Variants in ZC3HAV1 observed in about 807,000 individuals in gnomAD.
The protein encoded by ZC3HAV1 is zinc finger CCCH-type containing, antiviral 1.
Under a neutral mutation model 86.6 loss-of-function variants are expected in ZC3HAV1, and 41 were observed. That is an observed-to-expected ratio of 0.47 (90% CI 0.37 to 0.61). ZC3HAV1 has a LOEUF of 0.61. Among genes scored for constraint, ZC3HAV1 ranks in the 20% least tolerant of loss-of-function variants. The probability of loss-of-function intolerance (pLI) is 0.00; values close to 1 mark genes in which losing one functional copy is unlikely to be tolerated. For missense variants in ZC3HAV1, 964 were observed against 1,141.1 expected (o/e 0.84, Z 2.24); for synonymous variants, 421 against 432.1 (o/e 0.97, Z 0.32).
chr7:139,048,609 T>C (rs1816030106), intron 12 of ZC3HAV1, among the ~76,000 whole-genome samples: 1 of 152,054 alleles, frequency 6.6e-6, no homozygotes, highest in African/African-American at 2.4e-5. Flanking sequence ...TATCAAAAAA[T>C]ACTAATAATA....
At chr7:139,064,768 C>T in intron 8 of ZC3HAV1, 111 bp downstream of exon 8, 1 of 1,554,580 alleles carries the variant, frequency 6.4e-7, no homozygotes, top group Non-Finnish European at 8.7e-7. Context: ...CTTGCTAAAT[C>T]TTGACCTTGA....
intron 9 of ZC3HAV1, among the ~76,000 whole-genome samples, chr7:139,059,332 AG>A (rs1816380321): frequency 1.3e-5 from 2 of 152,204 alleles, no homozygotes; most frequent in Admixed American, 6.5e-5. Context: ...AACTACAGGA[AG>A]GGGCCAAGTG....
At chr7:139,100,594 A>G (rs1817723705) in intron 1 of ZC3HAV1, among the ~76,000 whole-genome samples, 1 of 152,200 alleles carries the variant, frequency 6.6e-6, no homozygotes, top group Non-Finnish European at 1.5e-5. Context: ...ACAATTTCAC[A>G]TTCCTTGTAT....
chr7:139,080,143 C>G lies in ZC3HAV1; in HGVS notation c.798G>C (p.Ala266=). 1 of 1,614,124 alleles carries G rather than the reference C, an allele frequency of 6.2e-7. No homozygotes were observed. The highest frequency in any genetic ancestry group is 8.5e-7 in the Non-Finnish European group (1 of 1,180,024). The change falls in exon 4 of 13, where the codon GCG becomes GCC. Residue 266 remains alanine (A), a synonymous_variant. Transcript: ENST00000242351. Reference sequence around the variant, plus strand: ...TAGGTGTGCAGGACCTCTCAGCAGACGCTGAAGCAGACGCAAGAAATTCTT... The same window carrying G: ...TAGGTGTGCAGGACCTCTCAGCAGAGGCTGAAGCAGACGCAAGAAATTCTT... ...GSQEFLASAS[A]SAERSCTPSP... is the part of the protein sequence containing the mutation.
chr7:139,063,393 C>T (rs780846154), intron 8 of ZC3HAV1, among the ~76,000 whole-genome samples: 11 of 151,854 alleles, frequency 7.2e-5, no homozygotes, highest in Non-Finnish European at 1.5e-4. Flanking sequence ...TTTAACTTTC[C>T]TATTTTAAAT....
intron 2 of ZC3HAV1, among the ~76,000 whole-genome samples, chr7:139,087,462 AGAGG>A (rs1452705184): frequency 6.6e-6 from 1 of 151,914 alleles, no homozygotes; most frequent in African/African-American, 2.4e-5. Context: ...AGAGAGAGAG[AGAGG>A]GAGACAGAGA....
chr7:139,102,750 CA>C, intron 1 of ZC3HAV1, among the ~76,000 whole-genome samples: 1 of 150,778 alleles, frequency 6.6e-6, no homozygotes, highest in East Asian at 2.0e-4. Context: ...CACACACACA[CA>C]CACACACACA....
chr7:139,105,954 T>C lies in ZC3HAV1; in HGVS notation c.308+3070A>G, dbSNP rs191081819. On this transcript the variant is annotated intron_variant, in intron 1 of 12. Coordinates refer to ENST00000242351, the MANE Select transcript of ZC3HAV1 (RefSeq NM_020119.4). ...CCCAGAGGTCCTTATTACAACACTT[T>C]ATACATTAATAGATTAAAAGTTTGT... 4.5e-3 allele frequency among the ~76,000 whole-genome samples: 686 copies of C among 152,280 alleles called. 8 individuals carry two copies. Among genetic ancestry groups the C allele is most frequent in the Non-Finnish European group, 6.2e-3 (421 of 68,030 alleles).
intron 9 of ZC3HAV1, chr7:139,060,354 A>G: frequency 5.1e-6 from 5 of 985,694 alleles, no homozygotes; most frequent in Non-Finnish European, 6.0e-6. Flanking sequence ...TGAACAATGT[A>G]GAGTTTACTG....
At chr7:139,051,690 C>T (rs760496220) in intron 12 of ZC3HAV1, among the ~76,000 whole-genome samples, 2 of 152,222 alleles carry the variant, frequency 1.3e-5, no homozygotes, top group Non-Finnish European at 2.9e-5. Flanking sequence ...TCCCAAAGTA[C>T]AGGAATTACA....
chr7:139,097,428 A>ATATATATTTTTTTTTTT, intron 1 of ZC3HAV1, among the ~76,000 whole-genome samples: 1 of 48,160 alleles, frequency 2.1e-5, no homozygotes, highest in African/African-American at 1.1e-4. Flanking sequence ...ATATATATAT[A>ATATATATTTTTTTTTTT]TTTTTTTTTT....
Position 139,108,312 on chromosome 7 carries a change from C to T in ZC3HAV1, c.308+712G>A, listed in dbSNP as rs1344027061. Among the ~76,000 whole-genome samples the T allele has an allele frequency of 6.6e-6, 1 of 151,878 alleles. No individual in the cohort carries two copies. ...AAACGGAAACAACAGAAGCAGTGGC[C>T]CGAGACGTGAGCCACACTGCTTCAA... On this transcript the variant is annotated intron_variant, in intron 1 of 12. Coordinates refer to ENST00000242351, the MANE Select transcript of ZC3HAV1 (RefSeq NM_020119.4). The surrounding 1 kb of genome is among the most constrained non-coding windows in gnomAD (Gnocchi z 4.2).
intron 1 of ZC3HAV1, among the ~76,000 whole-genome samples, chr7:139,093,883 G>A (rs1817504678): frequency 6.6e-6 from 1 of 152,212 alleles, no homozygotes; most frequent in African/African-American, 2.4e-5. Flanking sequence ...GGGGTCATGT[G>A]TAGGTTTCAG....
Position 139,076,174 on chromosome 7 carries a change from G to T in ZC3HAV1, c.1697+112C>A. ...TTATCTCAAGAGGTATTTCACACTC[G>T]AATGGGATTCTGATGGAAAAGTGTT... On this transcript the variant is annotated intron_variant, in intron 6 of 12. Transcript: ENST00000242351. 1.0e-5 allele frequency: 15 copies of T among 1,501,246 alleles called. No homozygotes were observed. The South Asian group carries it at 1.8e-4, about 18-fold the overall frequency. The allele number at this position is 1,501,246 out of a possible 1,614,324, so 93.0% of individuals were successfully genotyped here.
At position 139,080,208 on chromosome 7, in the gene ZC3HAV1, C is replaced by T; in HGVS notation, c.733G>A (p.Ala245Thr). The change falls in exon 4 of 13, where the codon GCT (alanine) becomes ACT (threonine). Residue 245 changes from alanine (A) to threonine (T), a missense_variant. Ala to Thr is a moderately conservative substitution (Grantham distance 58). Transcript: ENST00000242351. ...SSHRRNMAYRARSKSRDRFFQ... is the reference protein window; with the variant it reads ...SSHRRNMAYRTRSKSRDRFFQ... ...AACCGATCTCTACTCTTGCTTCTAG[C>T]CCTATATGCCATGTTTCTACGATGT... 1.2e-6 allele frequency: 2 copies of T among 1,614,104 alleles called. No homozygotes were observed. Among genetic ancestry groups the T allele is most frequent in the Non-Finnish European group, 1.7e-6 (2 of 1,180,030 alleles).
Position 139,056,437 on chromosome 7 carries a change from G to A in ZC3HAV1, c.2097-1142C>T, listed in dbSNP as rs1584839929. Among the ~76,000 whole-genome samples the A allele has an allele frequency of 3.5e-5, 4 of 113,744 alleles. No individual in the cohort carries two copies. In the South Asian group the frequency reaches 1.2e-3, roughly 33 times the overall value. The allele number at this position is 113,744 out of a possible 152,430, so 74.6% of individuals were successfully genotyped here. On this transcript the variant is annotated intron_variant, in intron 9 of 12. Transcript: ENST00000242351. ...TTTCTTTTTTTTTTTTTTTGAGACA[G>A]TCTCACTCTGTTGCCCAGGCTGAGT...
In ZC3HAV1 at chr7:139,064,924, C is replaced by T; in HGVS notation, c.1948G>A (p.Val650Met). The change falls in exon 8 of 13, where the codon GTG (valine) becomes ATG (methionine). Residue 650 changes from valine (V) to methionine (M), a missense_variant. Physicochemically the swap from Val to Met is conservative, Grantham distance 21. Transcript: ENST00000242351. ...TTCCGTGAGCCCGCCTGAAATGGCA[C>T]AACTCCCCTCGGACAGGATTGATAG... ...SLYQSCPRGV[V>M]PFQAGSRNYE... The T allele has an allele frequency of 6.2e-7, 1 of 1,614,188 alleles. No individual in the cohort carries two copies. Among genetic ancestry groups the T allele is most frequent in the Non-Finnish European group, 8.5e-7 (1 of 1,180,042 alleles).
At chr7:139,084,253 AT>A (rs1403234726) in intron 2 of ZC3HAV1, among the ~76,000 whole-genome samples, 7 of 152,216 alleles carry the variant, frequency 4.6e-5, no homozygotes, top group African/African-American at 1.7e-4. Context: ...ATACTGATCA[AT>A]TTGATAACCC....
At chr7:139,089,268 T>TA (rs1374395163) in intron 2 of ZC3HAV1, among the ~76,000 whole-genome samples, 1 of 152,122 alleles carries the variant, frequency 6.6e-6, no homozygotes, top group African/African-American at 2.4e-5. Context: ...GCTTAGCCCA[T>TA]ACCCTCATCT....
Sources: allele counts gnomAD v4.1 joint callset (sites outside exome capture counted in the v4.1 genomes callset), GRCh38; gene constraint gnomAD v4.1.1; non-coding constraint Gnocchi (gnomAD v3.1); transcripts MANE v1.5; gene names NCBI Gene and HGNC (gene_info 2026-07-23, HGNC 2026-07-21).